The following MED13 variants were observed in gnomAD, a reference collection of about 807,000 sequenced individuals.
MED13 encodes the protein mediator of RNA polymerase II transcription subunit 13.
Under a neutral mutation model 225.2 loss-of-function variants are expected in MED13, and 23 were observed. The ratio of observed to expected loss-of-function variants is 0.10; its 90% CI spans 0.07 to 0.14. The LOEUF is 0.14. MED13 is among the 10% of genes least tolerant of loss of function. The pLI is 1.00. For missense variants in MED13, 2,197 were observed against 2,594.5 expected (o/e 0.85, Z 3.33); for synonymous variants, 942 against 889.2 (o/e 1.06, Z -1.06).
chr17:62,031,508 T>C lies in MED13; in HGVS notation c.945A>G (p.Thr315=). ...CLGVHQVPAS[T]RDPAMSSVTL... ...TAACCGAAGACATAGCAGGATCTCT[T>C]GTGGAAGCAGGCACTTGGTGGACAC... The change falls in exon 6 of 30, where the codon ACA becomes ACG. Residue 315 remains threonine, a synonymous_variant. Coordinates refer to ENST00000397786, the MANE Select transcript of MED13 (RefSeq NM_005121.3). The C allele has an allele frequency of 6.2e-7, 1 of 1,613,930 alleles. No homozygotes were observed. Among genetic ancestry groups the C allele is most frequent in the Non-Finnish European group, 8.5e-7 (1 of 1,179,928 alleles).
chr17:61,992,667 A>G, intron 10 of MED13, 46 bp from the exon 11 acceptor site: 1 of 1,362,590 alleles, frequency 7.3e-7, no homozygotes, highest in Non-Finnish European at 1.0e-6. Flanking sequence ...TAATTTACCA[A>G]CAATAAAATC....
chr17:61,971,865 C>T (rs566859852), intron 17 of MED13, among the ~76,000 whole-genome samples: 39 of 151,950 alleles, frequency 2.6e-4, no homozygotes, highest in Non-Finnish European at 4.6e-4. Flanking sequence ...ACCCAGGAGG[C>T]GGAGGTTACG....
chr17:62,021,339 C>T (rs1176008602), intron 8 of MED13, among the ~76,000 whole-genome samples: 2 of 145,638 alleles, frequency 1.4e-5, no homozygotes, highest in African/African-American at 2.5e-5. Flanking sequence ...ACCTCCCTCC[C>T]GGACAGGGTG....
intron 3 of MED13, among the ~76,000 whole-genome samples, chr17:62,043,156 CAAAAAAAAAAAA>C (rs764530614): frequency 1.3e-3 from 42 of 31,674 alleles, no homozygotes; most frequent in Admixed American, 8.8e-3. Flanking sequence ...ACCCTGTCTC[CAAAAAAAAAAAA>C]AAAAAAAAAA....
chr17:62,053,700 A>G (rs975356766), intron 2 of MED13, among the ~76,000 whole-genome samples: 2 of 152,202 alleles, frequency 1.3e-5, no homozygotes, highest in African/African-American at 4.8e-5. Flanking sequence ...TCTGTGTTCA[A>G]TGTTTAAGTA....
At chr17:61,954,080 A>G (rs768377892) in intron 26 of MED13, among the ~76,000 whole-genome samples, 5 of 152,220 alleles carry the variant, frequency 3.3e-5, no homozygotes, top group African/African-American at 4.8e-5. Flanking sequence ...ATCTTATTGT[A>G]CTGTACCCAT....
At chr17:61,955,010 ATC>A (rs1449145574) in intron 26 of MED13, among the ~76,000 whole-genome samples, 1 of 152,118 alleles carries the variant, frequency 6.6e-6, no homozygotes, top group African/African-American at 2.4e-5. Context: ...GAAAGGGATA[ATC>A]TGTTTCCTTG....
intron 2 of MED13, among the ~76,000 whole-genome samples, chr17:62,060,662 C>A (rs888906412): frequency 5.4e-5 from 8 of 148,686 alleles, no homozygotes; most frequent in East Asian, 2.0e-4. Context: ...AAAAAAAAAC[C>A]AACCTCCCAA....
At chr17:62,037,941 G>A (rs1168215315) in intron 3 of MED13, among the ~76,000 whole-genome samples, 3 of 104,340 alleles carry the variant, frequency 2.9e-5, no homozygotes, top group Non-Finnish European at 1.8e-5. Flanking sequence ...GGGCAACAGA[G>A]TGAGACTTCA....
At chr17:62,005,115 G>C (rs990771727) in intron 9 of MED13, 1 of 151,992 alleles carries the variant, frequency 6.6e-6, no homozygotes, top group Non-Finnish European at 1.5e-5. Flanking sequence ...GGCTGGTCTG[G>C]AACTCCTGAC....
Position 61,967,320 on chromosome 17 carries a change from C to T in MED13, c.4192-669G>A, listed in dbSNP as rs148380795. 1.6e-3 allele frequency among the ~76,000 whole-genome samples: 251 copies of T among 152,160 alleles called. 3 individuals are homozygous for T. Among genetic ancestry groups the T allele is most frequent in the Middle Eastern group, 6.8e-3 (2 of 294 alleles). ...AACTTTTTCTCTGAGAGGATTTTAC[C>T]GGACTGATATTCCAAATAACACCCT... On this transcript the variant is annotated intron_variant, in intron 18 of 29. Transcript: ENST00000397786.
intron 9 of MED13, chr17:62,007,324 G>A (rs373946092): frequency 6.6e-6 from 1 of 151,988 alleles, no homozygotes; most frequent in Non-Finnish European, 1.5e-5. Flanking sequence ...TAATTCTAGA[G>A]AAAAATAAAA....
chr17:61,963,428 T>C (rs1034569286), intron 20 of MED13, among the ~76,000 whole-genome samples: 10 of 151,998 alleles, frequency 6.6e-5, no homozygotes, highest in African/African-American at 2.4e-4. Context: ...ACTTATTTAA[T>C]GTTCTAGTAC....
intron 8 of MED13, among the ~76,000 whole-genome samples, 162 bp from the exon 9 acceptor site, chr17:62,011,395 G>A (rs750055694): frequency 3.3e-5 from 5 of 152,030 alleles, no homozygotes; most frequent in Non-Finnish European, 5.9e-5. Context: ...TACTTTGCTC[G>A]TGACCTAAAT....
At chr17:62,016,272 G>A (rs756504242) in intron 8 of MED13, among the ~76,000 whole-genome samples, 8 of 150,270 alleles carry the variant, frequency 5.3e-5, no homozygotes, top group Admixed American at 1.3e-4. Context: ...ACACAGTGCC[G>A]CGATTAGCGC....
chr17:62,014,310 T>TTATATATATATATATATATATATATATA (rs79817498), intron 8 of MED13, among the ~76,000 whole-genome samples: 9 of 143,112 alleles, frequency 6.3e-5, no homozygotes, highest in African/African-American at 1.6e-4. Context: ...GTATATGTTT[T>TTATATATATATATATATATATATATATA]TATATATATA....
intron 8 of MED13, among the ~76,000 whole-genome samples, chr17:62,029,086 A>C (rs2080730017): frequency 6.6e-6 from 1 of 152,150 alleles, no homozygotes; most frequent in Non-Finnish European, 1.5e-5. Context: ...GACTGAGGCC[A>C]GAAGTTTGAG....
intron 2 of MED13, among the ~76,000 whole-genome samples, chr17:62,054,704 C>G (rs2080983362): frequency 6.6e-6 from 1 of 152,272 alleles, no homozygotes; most frequent in East Asian, 1.9e-4. Flanking sequence ...AAGACTTTTA[C>G]CTCAAATTAT....
chr17:61,943,324 T>G lies in MED13; in HGVS notation c.*3144A>C, dbSNP rs535669968. The G allele has an allele frequency of 8.5e-5, 13 of 152,738 alleles. No individual in the cohort carries two copies. The highest frequency in any genetic ancestry group is 2.0e-4 in the Admixed American group (3 of 15,288). 9.5% of individuals were successfully genotyped at this position (152,738 alleles called of 1,614,324 possible). On this transcript the variant is annotated 3_prime_UTR_variant, in exon 30 of 30. Coordinates refer to ENST00000397786, the MANE Select transcript of MED13 (RefSeq NM_005121.3). ...TATGATGCAATAGCATTTAAAAACT[T>G]TTTAATCTATTCAATTTGAACATTT...
Sources: allele counts gnomAD v4.1 joint callset (sites outside exome capture counted in the v4.1 genomes callset), GRCh38; gene constraint gnomAD v4.1.1; transcripts MANE v1.5; gene names NCBI Gene and HGNC (gene_info 2026-07-23, HGNC 2026-07-21).